Variants in ANKRD36B observed in about 807,000 individuals in gnomAD.
ANKRD36B encodes ankyrin repeat domain-containing protein 36B.
A neutral mutation model predicts 135.7 loss-of-function variants in ANKRD36B; 37 were observed. The ratio of observed to expected loss-of-function variants is 0.27; its 90% CI spans 0.21 to 0.36. The LOEUF (loss-of-function observed/expected upper bound fraction) is 0.36, where lower values mean the gene tolerates loss of function less well. ANKRD36B is among the 10% of genes least tolerant of loss of function. The probability of loss-of-function intolerance (pLI) is 1.00; values close to 1 mark genes in which losing one functional copy is unlikely to be tolerated. For synonymous variants in ANKRD36B, 179 were observed against 348.1 expected, an observed-to-expected ratio of 0.51 and a Z score of 5.41; for missense variants, 549 against 1,037.1, an observed-to-expected ratio of 0.53 and a Z score of 6.46.
At chr2:97,548,208 A>C (rs2079680556) in intron 20 of ANKRD36B, among the ~76,000 whole-genome samples, 1 of 151,832 alleles carries the variant, frequency 6.6e-6, no homozygotes, top group African/African-American at 2.4e-5. Flanking sequence ...ATGATACTTC[A>C]GTTAAACTTA....
chr2:97,588,033 T>C (rs1295860534), intron 1 of ANKRD36B, among the ~76,000 whole-genome samples: 1 of 151,538 alleles, frequency 6.6e-6, no homozygotes, highest in Non-Finnish European at 1.5e-5. Flanking sequence ...TTTTTTCTTA[T>C]AAACTGGATT....
At chr2:97,551,405 T>C (rs747235926) in intron 17 of ANKRD36B, 44 bp from the exon 18 acceptor site, 3 of 1,605,534 alleles carry the variant, frequency 1.9e-6, no homozygotes, top group Non-Finnish European at 2.5e-6. Context: ...GTATGTTTCA[T>C]AGGCTATACG....
At chr2:97,553,303 T>C (rs758298614) in intron 15 of ANKRD36B, 40 bp downstream of exon 15, 3 of 1,607,546 alleles carry the variant, frequency 1.9e-6, no homozygotes, top group African/African-American at 1.3e-5. Flanking sequence ...TCATAGACTA[T>C]AGATTTACTA....
intron 18 of ANKRD36B, 139 bp downstream of exon 18, chr2:97,551,150 A>T (rs1244328862): frequency 8.1e-7 from 1 of 1,242,020 alleles, no homozygotes; most frequent in African/African-American, 1.5e-5. Flanking sequence ...AGCATAACCC[A>T]AGAACTTATT....
At chr2:97,568,846 T>C (rs2081629030) in intron 6 of ANKRD36B, among the ~76,000 whole-genome samples, 3 of 152,154 alleles carry the variant, frequency 2.0e-5, no homozygotes, top group Admixed American at 6.6e-5. Context: ...AAAAATAGTA[T>C]GACTCTCTTG....
intron 6 of ANKRD36B, among the ~76,000 whole-genome samples, chr2:97,566,236 G>A (rs6725692): frequency 0.56 from 84,492 of 151,626 alleles, 25,162 homozygotes; most frequent in Non-Finnish European, 0.67. Flanking sequence ...CAGGAGAATC[G>A]CTCAAACTCA....
intron 20 of ANKRD36B, among the ~76,000 whole-genome samples, chr2:97,547,933 A>C (rs2079640404): frequency 6.6e-6 from 1 of 151,806 alleles, no homozygotes; most frequent in East Asian, 1.9e-4. Flanking sequence ...AAATACTCTT[A>C]TAATTTCAAA....
chr2:97,549,799 C>A (rs969150318), intron 18 of ANKRD36B, among the ~76,000 whole-genome samples, 185 bp from the exon 19 acceptor site: 1 of 151,852 alleles, frequency 6.6e-6, no homozygotes, highest in Non-Finnish European at 1.5e-5. Context: ...AATACAGGCT[C>A]CATGAAATAT....
At chr2:97,554,845 A>G (rs928143368) in intron 14 of ANKRD36B, among the ~76,000 whole-genome samples, 6 of 151,822 alleles carry the variant, frequency 4.0e-5, no homozygotes, top group African/African-American at 1.5e-4. Context: ...CTTCTTCCCA[A>G]TTTCAATGTG....
Position 97,558,852 on chromosome 2 carries a change from T to A in ANKRD36B, c.914A>T (p.Asp305Val). Residue 305 changes from aspartate (D) to valine (V), a missense_variant, in exon 10 of 44, where the codon GAT becomes GTT. By Grantham distance (152) the Asp-to-Val change is radical. Transcript: ENST00000359901. ...TTCTGTGGCTATATTTGAAACAGAATCTTTCTCGTCACTTGTAGCCTGAAT... is the reference window on the plus strand; with the variant it reads ...TTCTGTGGCTATATTTGAAACAGAAACTTTCTCGTCACTTGTAGCCTGAAT... ...PAEKATSDEKDSVSNIATEIK... is the reference protein window; with the variant it reads ...PAEKATSDEKVSVSNIATEIK... 2 of 1,611,422 alleles carry A rather than the reference T, an allele frequency of 1.2e-6. No homozygotes were observed. Among genetic ancestry groups the A allele is most frequent in the Non-Finnish European group, 1.7e-6 (2 of 1,178,790 alleles).
intron 22 of ANKRD36B, among the ~76,000 whole-genome samples, chr2:97,546,369 G>A (rs2079463377): frequency 6.6e-6 from 1 of 151,710 alleles, no homozygotes; most frequent in South Asian, 2.1e-4. Context: ...CCCTTCAGTG[G>A]AAGTGTCCTA....
chr2:97,563,488 C>A (rs551179426), intron 6 of ANKRD36B, among the ~76,000 whole-genome samples: 20 of 151,616 alleles, frequency 1.3e-4, no homozygotes, highest in African/African-American at 3.4e-4. Context: ...TATGGCTTTA[C>A]GGGGTGTTTC....
At chr2:97,572,213 T>C (rs138340977) in intron 6 of ANKRD36B, among the ~76,000 whole-genome samples, 2,209 of 151,866 alleles carry the variant, frequency 0.015, 55 homozygotes, top group African/African-American at 0.051. Flanking sequence ...ACCCAGAAGT[T>C]TGAGGCTGCA....
At chr2:97,565,995 A>C (rs10195500) in intron 6 of ANKRD36B, among the ~76,000 whole-genome samples, 83,661 of 150,636 alleles carry the variant, frequency 0.56, 24,810 homozygotes, top group Non-Finnish European at 0.67. Flanking sequence ...CAGACTGGGC[A>C]ACATAGCAAG....
chr2:97,547,873 C>G lies in ANKRD36B; in HGVS notation c.1478-142G>C. ...ATGGCTTCTACTTTGTGTCTGGGGA[C>G]TAGAACATGACAGAAATACGCTGAG... On this transcript the variant is annotated intron_variant, in intron 20 of 43. Transcript: ENST00000359901. 5 of 1,284,564 alleles carry G rather than the reference C, an allele frequency of 3.9e-6. No individual in the cohort carries two copies. The South Asian group carries it at 6.7e-5, about 17-fold the overall frequency. The allele number at this position is 1,284,564 out of a possible 1,614,324, so 79.6% of individuals were successfully genotyped here.
chr2:97,564,770 C>G (rs1340752679), intron 6 of ANKRD36B, among the ~76,000 whole-genome samples: 1 of 152,164 alleles, frequency 6.6e-6, no homozygotes, highest in Non-Finnish European at 1.5e-5. Flanking sequence ...GTTTTCATTA[C>G]TGTAGCCTTG....
At chr2:97,588,041 ATT>A (rs946397291) in intron 1 of ANKRD36B, among the ~76,000 whole-genome samples, 1 of 150,754 alleles carries the variant, frequency 6.6e-6, no homozygotes, top group Non-Finnish European at 1.5e-5. Flanking sequence ...TATAAACTGG[ATT>A]TTTTTTATTT....
chr2:97,582,304 A>G (rs1391358241), intron 3 of ANKRD36B, among the ~76,000 whole-genome samples: 1 of 152,088 alleles, frequency 6.6e-6, no homozygotes, highest in Non-Finnish European at 1.5e-5. Flanking sequence ...CCCGATTACC[A>G]AAGGATTTAT....
In ANKRD36B at chr2:97,529,685, T is replaced by G. The variant is rs1559123666; in HGVS notation, c.2265+2626A>C. Among the ~76,000 whole-genome samples, 5 of 96,340 alleles carry G rather than the reference T, an allele frequency of 5.2e-5. 2 individuals carry two copies. The highest frequency in any genetic ancestry group is 1.4e-4 in the Non-Finnish European group (5 of 36,166). 63.2% of individuals were successfully genotyped at this position (96,340 alleles called of 152,430 possible). ...GTCTCAGCCCAAAATCTCCTTAAGC[T>G]GATCAGCAACTTCAGCAAAGTCTCA... On this transcript the variant is annotated intron_variant, in intron 35 of 43. Transcript: ENST00000359901.
Sources: allele counts gnomAD v4.1 joint callset (sites outside exome capture counted in the v4.1 genomes callset), GRCh38; gene constraint gnomAD v4.1.1; transcripts MANE v1.5; gene names NCBI Gene and HGNC (gene_info 2026-07-23, HGNC 2026-07-21).